Variants in LMNB1 observed in about 807,000 individuals in gnomAD.
LMNB1 encodes the protein lamin-B1.
LMNB1 carries 23 observed loss-of-function variants against 67.1 expected under a neutral mutation model. That is an observed-to-expected ratio of 0.34 (90% confidence interval 0.25 to 0.49). The LOEUF is 0.49. Ranked by LOEUF, LMNB1 falls within the 20% of genes least tolerant of loss-of-function variation. LMNB1 has a pLI of 0.99. For synonymous variants in LMNB1, 281 were observed against 282.9 expected (o/e 0.99, Z 0.07); for missense variants, 634 against 746.5 (o/e 0.85, Z 1.76).
At chr5:126,783,372 TATA>T (rs1750681549) in intron 1 of LMNB1, among the ~76,000 whole-genome samples, 1 of 128,488 alleles carries the variant, frequency 7.8e-6, no homozygotes, top group Non-Finnish European at 1.8e-5. Context: ...TAACTTAAAA[TATA>T]AGAGTTATAA....
intron 1 of LMNB1, among the ~76,000 whole-genome samples, chr5:126,795,429 G>T (rs1751061991): frequency 6.6e-6 from 1 of 151,418 alleles, no homozygotes; most frequent in African/African-American, 2.4e-5. Flanking sequence ...TGAACCACCG[G>T]GCCTGGCCTC....
intron 1 of LMNB1, among the ~76,000 whole-genome samples, chr5:126,789,311 C>A (rs1394338025): frequency 6.6e-6 from 1 of 152,104 alleles, no homozygotes; most frequent in Non-Finnish European, 1.5e-5. Context: ...GTGATCATTT[C>A]ACCCCTTTTG....
intron 1 of LMNB1, among the ~76,000 whole-genome samples, chr5:126,792,191 G>A (rs1750978679): frequency 6.8e-6 from 1 of 146,568 alleles, no homozygotes; most frequent in Non-Finnish European, 1.5e-5. Flanking sequence ...CACCCAGACT[G>A]GAGTACAGCG....
chr5:126,800,982 A>ATAAT, intron 1 of LMNB1, among the ~76,000 whole-genome samples: 15 of 18,644 alleles, frequency 8.0e-4, no homozygotes, highest in African/African-American at 2.4e-3. Flanking sequence ...TATATATATA[A>ATAAT]TTTTTTTTTT....
chr5:126,789,146 CAA>C (rs1262578728), intron 1 of LMNB1, among the ~76,000 whole-genome samples: 1 of 151,996 alleles, frequency 6.6e-6, no homozygotes, highest in African/African-American at 2.4e-5. Context: ...CTCGGCCTCT[CAA>C]AGTGTTGGGA....
intron 1 of LMNB1, among the ~76,000 whole-genome samples, chr5:126,794,903 G>C (rs1751049466): frequency 6.6e-6 from 1 of 152,114 alleles, no homozygotes; most frequent in African/African-American, 2.4e-5. Flanking sequence ...AAATGTTAGG[G>C]ATAGGTACTG....
intron 1 of LMNB1, among the ~76,000 whole-genome samples, chr5:126,784,541 G>C (rs2112922780): frequency 6.7e-6 from 1 of 150,324 alleles, no homozygotes; most frequent in Non-Finnish European, 1.5e-5. Context: ...ATTTTTAGTA[G>C]AGATGGGGTT....
chr5:126,799,885 C>T (rs1044231954), intron 1 of LMNB1, among the ~76,000 whole-genome samples: 2 of 152,120 alleles, frequency 1.3e-5, no homozygotes, highest in African/African-American at 4.8e-5. Flanking sequence ...TTACTTTGCA[C>T]CAAGGGCGGT....
At chr5:126,828,522 T>C (rs1237769509) in intron 9 of LMNB1, among the ~76,000 whole-genome samples, 1 of 152,074 alleles carries the variant, frequency 6.6e-6, no homozygotes. Flanking sequence ...CTCCATTTCA[T>C]AACTCAAACA....
Position 126,836,349 on chromosome 5 carries a change from AT to A in LMNB1, c.*90del. ...CAGAGCCTTCTCAGAAGCACAGAATATTTTTATATTTCCTTTATGTGAATTT... is the reference window on the plus strand; with the variant it reads ...CAGAGCCTTCTCAGAAGCACAGAATATTTTATATTTCCTTTATGTGAATTT... On this transcript the variant is annotated 3_prime_UTR_variant, in exon 11 of 11. Coordinates refer to ENST00000261366, the MANE Select transcript of LMNB1 (RefSeq NM_005573.4). The A allele has an allele frequency of 1.1e-6, 1 of 885,370 alleles. No individual in the cohort carries two copies. Among genetic ancestry groups the A allele is most frequent in the South Asian group, 1.6e-5 (1 of 60,990 alleles). The allele number at this position is 885,370 out of a possible 1,614,324, so 54.8% of individuals were successfully genotyped here.
At chr5:126,780,543 A>G (rs1011019163) in intron 1 of LMNB1, among the ~76,000 whole-genome samples, 1 of 152,264 alleles carries the variant, frequency 6.6e-6, no homozygotes, top group Non-Finnish European at 1.5e-5. Flanking sequence ...GAAATAATGC[A>G]TGTGATACAA....
intron 7 of LMNB1, among the ~76,000 whole-genome samples, chr5:126,821,344 T>C (rs1158636555): frequency 6.6e-6 from 1 of 152,222 alleles, no homozygotes; most frequent in East Asian, 1.9e-4. Context: ...AAAGATTTGC[T>C]TCATTAACCC....
At chr5:126,813,787 C>A (rs1047634073) in intron 5 of LMNB1, among the ~76,000 whole-genome samples, 1 of 152,190 alleles carries the variant, frequency 6.6e-6, no homozygotes, top group Non-Finnish European at 1.5e-5. Flanking sequence ...ATCTAATTAC[C>A]ACTCAAAGGC....
At chr5:126,801,930 T>A (rs1751295837) in intron 1 of LMNB1, among the ~76,000 whole-genome samples, 1 of 152,250 alleles carries the variant, frequency 6.6e-6, no homozygotes, top group African/African-American at 2.4e-5. Context: ...TTATTTTCAG[T>A]CATATGTCTT....
In LMNB1 at chr5:126,798,134, AAAACAAACAAAC is replaced by A. The variant is rs143035589; in HGVS notation, c.360-6619_360-6608del. Among the ~76,000 whole-genome samples, 206 of 148,208 alleles carry A rather than the reference AAAACAAACAAAC, an allele frequency of 1.4e-3. 2 individuals carry two copies. The highest frequency in any genetic ancestry group is 4.1e-3 in the African/African-American group (166 of 40,330). The stretch of plus-strand genomic sequence containing the variant: ...CTGGGCAACAGAGCGAGACCGTCTC[AAAACAAACAAAC>A]AAACAAACAAACAAACAAACAAGCT... On this transcript the variant is annotated intron_variant, in intron 1 of 10. Transcript: ENST00000261366.
At chr5:126,818,008 A>G (rs1393147147) in intron 5 of LMNB1, among the ~76,000 whole-genome samples, 1 of 152,150 alleles carries the variant, frequency 6.6e-6, no homozygotes, top group Non-Finnish European at 1.5e-5. Context: ...TTTTTATGCC[A>G]AATATACAGC....
At chr5:126,785,098 G>T (rs1208713032) in intron 1 of LMNB1, among the ~76,000 whole-genome samples, 1 of 151,228 alleles carries the variant, frequency 6.6e-6, no homozygotes, top group Non-Finnish European at 1.5e-5. Flanking sequence ...TGCCGCCTCA[G>T]CCTCCCAAAT....
intron 1 of LMNB1, among the ~76,000 whole-genome samples, chr5:126,799,120 G>A (rs964172808): frequency 2.1e-4 from 31 of 150,590 alleles, no homozygotes; most frequent in Non-Finnish European, 4.4e-4. Flanking sequence ...TGGGGTTCAC[G>A]CCATTCTCCT....
In LMNB1 at chr5:126,836,859, TTCTTC is replaced by T. The variant is rs1752260217; in HGVS notation, c.*600_*604del. On this transcript the variant is annotated 3_prime_UTR_variant, in exon 11 of 11. Coordinates refer to ENST00000261366, the MANE Select transcript of LMNB1 (RefSeq NM_005573.4). ...CCACAAAACTTGGTTTTATGGTTAC[TTCTTC>T]TCTTAGATTCTTAATTCATGAGGAG... The T allele has an allele frequency of 2.5e-6, 1 of 396,410 alleles. No individual in the cohort carries two copies. Among genetic ancestry groups the T allele is most frequent in the Non-Finnish European group, 4.4e-6 (1 of 225,428 alleles). 24.6% of individuals were successfully genotyped at this position (396,410 alleles called of 1,614,324 possible).
Sources: gnomAD v4.1 joint callset for allele counts (sites outside exome capture counted in the v4.1 genomes callset) on GRCh38, gnomAD v4.1.1 for gene constraint, MANE v1.5 for transcripts, NCBI Gene and HGNC (gene_info 2026-07-23, HGNC 2026-07-21) for gene names.